IFT172: variants seen among roughly 807,000 people sequenced by gnomAD.
The protein encoded by IFT172 is intraflagellar transport protein 172 homolog.
IFT172 carries 164 observed loss-of-function variants against 248.9 expected under a neutral mutation model. That is an observed-to-expected ratio of 0.66 (90% confidence interval 0.58 to 0.75). The LOEUF is 0.75. Ranked by LOEUF, IFT172 falls within the 30% of genes least tolerant of loss-of-function variation. The pLI is 0.00. For missense variants in IFT172, 1,950 were observed against 2,192.4 expected, an observed-to-expected ratio of 0.89 and a Z score of 2.21; for synonymous variants, 729 against 791.6, an observed-to-expected ratio of 0.92 and a Z score of 1.33.
rs754536371 is a variant in IFT172 at position 27,445,702 on chromosome 2, C to T, written c.4914+43G>A. 6.2e-7 allele frequency: 1 copy of T among 1,603,754 alleles called. No individual in the cohort carries two copies. The highest frequency in any genetic ancestry group is 8.5e-7 in the Non-Finnish European group (1 of 1,170,948). ...AGATATTCTCCCTCCTCAAGGCACT[C>T]ACACTGGTGAGGCCTTCCGGTTTTC... On this transcript the variant is annotated intron_variant, in intron 45 of 47. Transcript: ENST00000260570. The surrounding 1 kb of genome is among the most constrained non-coding windows in gnomAD (Gnocchi z 4.4).
Position 27,485,141 on chromosome 2 carries a change from A to T in IFT172, c.184-11T>A, listed in dbSNP as rs771654981. The T allele has an allele frequency of 9.9e-4, 326 of 329,092 alleles. No homozygotes were observed. Among genetic ancestry groups the T allele is most frequent in the Non-Finnish European group, 1.4e-3 (295 of 209,618 alleles). The allele number at this position is 329,092 out of a possible 1,614,324, so 20.4% of individuals were successfully genotyped here. A position where few individuals can be genotyped will look rare whatever the true frequency, so the allele number is the denominator to read the frequency against. ...GCTCTTCCTGCCATACTAAGAGTTT[A>T]AAAAAAAAAAAAGAAAGAAAAAGAA... On this transcript the variant is annotated splice_polypyrimidine_tract_variant and intron_variant, in intron 2 of 47. Transcript: ENST00000260570.
chr2:27,451,967 TTA>T (rs1375247417), intron 35 of IFT172, among the ~76,000 whole-genome samples: 2 of 132,586 alleles, frequency 1.5e-5, no homozygotes, highest in Non-Finnish European at 3.1e-5. Context: ...TAAAATATAA[TTA>T]TATATATGTA....
chr2:27,453,993 T>G lies in IFT172; in HGVS notation c.3700A>C (p.Asn1234His), dbSNP rs746597294. 21 of 1,610,334 alleles carry G rather than the reference T, an allele frequency of 1.3e-5. No homozygotes were observed. In the Middle Eastern group the frequency reaches 1.2e-3, roughly 94 times the overall value. Reference sequence around the variant, plus strand: ...ATCCAGTGCCCCACCTTATAATAATTGAGGGCCAGGCCTGGTCTCTGGGCC... The same window carrying G: ...ATCCAGTGCCCCACCTTATAATAATGGAGGGCCAGGCCTGGTCTCTGGGCC... ...LRAQRPGLAL[N>H]YYKEAGLWSD... Residue 1234 changes from asparagine (N) to histidine (H), a missense_variant, in exon 33 of 48, where the codon AAT (asparagine) becomes CAT (histidine). By Grantham distance (68) the Asn-to-His change is moderately conservative. This residue lies in a region of IFT172 where 620 missense variants were observed against 699.0 expected (regional missense o/e 0.89). Coordinates refer to ENST00000260570, the MANE Select transcript of IFT172 (RefSeq NM_015662.3).
intron 17 of IFT172, 42 bp from the exon 18 acceptor site, chr2:27,465,560 G>A (rs778999897): frequency 1.9e-6 from 3 of 1,595,806 alleles, no homozygotes; most frequent in Non-Finnish European, 2.6e-6. Context: ...TGAGGAATGG[G>A]TTAGGAAGAT....
At chr2:27,447,161 G>C (rs1665213476) in intron 42 of IFT172, among the ~76,000 whole-genome samples, 1 of 152,186 alleles carries the variant, frequency 6.6e-6, no homozygotes, top group Non-Finnish European at 1.5e-5. Context: ...TGTTTCTAAG[G>C]TTCTTTCCAC....
At chr2:27,488,571 A>G (rs1668933068) in intron 1 of IFT172, among the ~76,000 whole-genome samples, 1 of 152,086 alleles carries the variant, frequency 6.6e-6, no homozygotes, top group East Asian at 1.9e-4. Context: ...TCTTATTCTT[A>G]TTAGCTTTGT....
chr2:27,465,283 A>G lies in IFT172; in HGVS notation c.1937+128T>C. The G allele has an allele frequency of 1.2e-5, 9 of 745,866 alleles. No homozygotes were observed. The South Asian group carries it at 1.4e-4, about 12-fold the overall frequency. 46.2% of individuals were successfully genotyped at this position (745,866 alleles called of 1,614,324 possible). A position where few individuals can be genotyped will look rare whatever the true frequency, so the allele number is the denominator to read the frequency against. On this transcript the variant is annotated intron_variant, in intron 18 of 47. Coordinates refer to ENST00000260570, the MANE Select transcript of IFT172 (RefSeq NM_015662.3). ...GAATATTGTACTGCAGAAGGGCTCTATGCTATTTGCTGGCAGTGGGAAGGG... is the reference window on the plus strand; with the variant it reads ...GAATATTGTACTGCAGAAGGGCTCTGTGCTATTTGCTGGCAGTGGGAAGGG...
At chr2:27,472,038 CAAA>C (rs34330432) in intron 15 of IFT172, 4,060 of 496,634 alleles carry the variant, frequency 8.2e-3, no homozygotes, top group South Asian at 0.018. Flanking sequence ...ACACTGTCTC[CAAA>C]AAAAAAAAAA....
At chr2:27,448,763 G>A in intron 40 of IFT172, 152 bp downstream of exon 40, 1 of 662,536 alleles carries the variant, frequency 1.5e-6, no homozygotes, top group East Asian at 2.5e-5. Context: ...CTCCAGAGAG[G>A]CTGTACATTT....
At chr2:27,447,702 T>G in intron 41 of IFT172, 68 bp from the exon 42 acceptor site, 1 of 1,611,938 alleles carries the variant, frequency 6.2e-7, no homozygotes, top group Non-Finnish European at 8.5e-7. Flanking sequence ...GAGTGGTCTC[T>G]GATAGCCACC....
chr2:27,469,418 A>C (rs375439240), intron 16 of IFT172, among the ~76,000 whole-genome samples: 5 of 152,138 alleles, frequency 3.3e-5, no homozygotes, highest in African/African-American at 1.2e-4. Flanking sequence ...GAAACAAAAA[A>C]CTTCTAAATA....
intron 7 of IFT172, 32 bp from the exon 8 acceptor site, chr2:27,481,292 T>G: frequency 6.5e-7 from 1 of 1,547,496 alleles, no homozygotes. Flanking sequence ...TCAATCACTC[T>G]TCGAAGACTC....
chr2:27,483,308 T>C lies in IFT172; in HGVS notation c.551A>G (p.Glu184Gly), dbSNP rs1290766680. ...TCATACCTGTGACTCTCCAGAGCCT[T>C]CATCATCAAAGAAATACCTAACGAT... ...GTIVRYFFDD[E>G]GSGESQGKLV... is the part of the protein sequence containing the mutation. The change falls in exon 7 of 48, where the codon GAA (glutamate) becomes GGA (glycine). Residue 184 changes from glutamate to glycine, a missense_variant. By Grantham distance (98) the Glu-to-Gly change is moderately conservative. Around this residue, in one of 3 missense-constraint regions of IFT172, gnomAD observed 1,166 missense variants for 1,254.1 expected, o/e 0.93. Coordinates refer to ENST00000260570, the MANE Select transcript of IFT172 (RefSeq NM_015662.3). 6.3e-7 allele frequency: 1 copy of C among 1,595,600 alleles called. No individual in the cohort carries two copies. The highest frequency in any genetic ancestry group is 1.7e-5 in the Admixed American group (1 of 60,000).
rs1666303205 is a variant in IFT172, at chr2:27,457,978, T to A, written c.2976-2A>T. 2 of 1,614,052 alleles carry A rather than the reference T, an allele frequency of 1.2e-6. No homozygotes were observed. Among genetic ancestry groups the A allele is most frequent in the African/African-American group, 2.7e-5 (2 of 74,912 alleles). On this transcript the variant is annotated splice_acceptor_variant, in intron 27 of 47. Coordinates refer to ENST00000260570, the MANE Select transcript of IFT172 (RefSeq NM_015662.3). LOFTEE classifies it high-confidence loss of function. ...GGCTCTTGTACTGTCACATATAGCCTGGGGAAGGAGATACATCTGGGGCCT... is the reference window on the plus strand; with the variant it reads ...GGCTCTTGTACTGTCACATATAGCCAGGGGAAGGAGATACATCTGGGGCCT...
In IFT172 at chr2:27,456,548, G is replaced by A; in HGVS notation, c.3334C>T (p.Leu1112Phe). 1 of 1,614,082 alleles carries A rather than the reference G, an allele frequency of 6.2e-7. No homozygotes were observed. Among genetic ancestry groups the A allele is most frequent in the Non-Finnish European group, 8.5e-7 (1 of 1,180,022 alleles). ...GCGTGGTCAACAGCAGCTTCCAGGA[G>A]TCCCAGCTTATTAAGCAGTCTAACT... is the stretch of plus-strand genomic sequence containing the variant. ...AAVRLLNKLG[L>F]LEAAVDHAAD... Residue 1112 changes from leucine to phenylalanine, a missense_variant, in exon 30 of 48, where the codon CTC becomes TTC. By Grantham distance (22) the Leu-to-Phe change is conservative. Around this residue, in one of 3 missense-constraint regions of IFT172, gnomAD observed 164 missense variants for 239.3 expected, o/e 0.69. Transcript: ENST00000260570.
intron 16 of IFT172, among the ~76,000 whole-genome samples, chr2:27,467,951 G>T (rs1667234326): frequency 6.6e-6 from 1 of 151,980 alleles, no homozygotes; most frequent in Non-Finnish European, 1.5e-5. Context: ...ACAAGGTCAG[G>T]AGATTGAGAC....
chr2:27,489,637 A>T lies in IFT172; in HGVS notation c.17T>A (p.Leu6Gln). 2 of 1,612,846 alleles carry T rather than the reference A, an allele frequency of 1.2e-6. No individual in the cohort carries two copies. The highest frequency in any genetic ancestry group is 1.7e-6 in the Non-Finnish European group (2 of 1,179,072). MHLKH[L>Q]RTLLSPQDGA... ...CACCTGAGGGCTCAGCAGGGTCCTC[A>T]GGTGCTTCAAGTGCATGACGCACAC... Residue 6 changes from leucine to glutamine, a missense_variant, in exon 1 of 48, where the codon CTG (leucine) becomes CAG (glutamine). Physicochemically the swap from Leu to Gln is moderately radical, Grantham distance 113 (BLOSUM62 -2). Around this residue, in one of 3 missense-constraint regions of IFT172, gnomAD observed 1,166 missense variants for 1,254.1 expected, o/e 0.93. Coordinates refer to ENST00000260570, the MANE Select transcript of IFT172 (RefSeq NM_015662.3).
At position 27,485,142 on chromosome 2, in the gene IFT172, A is replaced by T; in HGVS notation, c.184-12T>A. On this transcript the variant is annotated splice_polypyrimidine_tract_variant and intron_variant, in intron 2 of 47. Coordinates refer to ENST00000260570, the MANE Select transcript of IFT172 (RefSeq NM_015662.3). Reference sequence around the variant, plus strand: ...CTCTTCCTGCCATACTAAGAGTTTAAAAAAAAAAAAAGAAAGAAAAAGAAG... The same window carrying T: ...CTCTTCCTGCCATACTAAGAGTTTATAAAAAAAAAAAGAAAGAAAAAGAAG... The T allele has an allele frequency of 5.4e-6, 7 of 1,287,560 alleles. No homozygotes were observed. The highest frequency in any genetic ancestry group is 7.4e-6 in the Non-Finnish European group (7 of 939,744). The allele number at this position is 1,287,560 out of a possible 1,614,324, so 79.8% of individuals were successfully genotyped here.
In IFT172 at chr2:27,484,187, T is replaced by C; in HGVS notation, c.336+40A>G. The C allele has an allele frequency of 1.9e-6, 3 of 1,613,202 alleles. No homozygotes were observed. The South Asian group carries it at 3.3e-5, about 18-fold the overall frequency. On this transcript the variant is annotated intron_variant, in intron 4 of 47. Coordinates refer to ENST00000260570, the MANE Select transcript of IFT172 (RefSeq NM_015662.3). ...TATAAGTAGATATACTGATATATGT[T>C]TGTTCATCCTAAGGTTCCAGGGACT...
Sources: gnomAD v4.1 joint callset for allele counts (sites outside exome capture counted in the v4.1 genomes callset) on GRCh38, gnomAD v4.1.1 for gene constraint, gnomAD v4.1.1 regional missense constraint, Gnocchi (gnomAD v3.1) non-coding constraint, MANE v1.5 for transcripts, NCBI Gene and HGNC (gene_info 2026-07-23, HGNC 2026-07-21) for gene names.